The following ACSL1 variants were observed in gnomAD, a reference collection of about 807,000 sequenced individuals.
ACSL1 encodes the protein acyl-CoA synthetase long chain family member 1.
Under a neutral mutation model 98.4 loss-of-function variants are expected in ACSL1, and 41 were observed. That is an observed-to-expected ratio of 0.42 (90% CI 0.32 to 0.54). The LOEUF is 0.54. ACSL1 is among the 20% of genes least tolerant of loss of function. The probability of loss-of-function intolerance (pLI) is 0.13; values close to 1 mark genes in which losing one functional copy is unlikely to be tolerated. For synonymous variants in ACSL1, 316 were observed against 322.7 expected, an observed-to-expected ratio of 0.98 and a Z score of 0.22; for missense variants, 734 against 883.1, an observed-to-expected ratio of 0.83 and a Z score of 2.14.
intron 12 of ACSL1, among the ~76,000 whole-genome samples, chr4:184,767,705 G>C (rs1194985963): frequency 6.6e-6 from 1 of 152,198 alleles, no homozygotes; most frequent in Non-Finnish European, 1.5e-5. Flanking sequence ...AGAACGTTCT[G>C]AGAGATAACA....
chr4:184,769,111 T>A (rs901658791), intron 11 of ACSL1, among the ~76,000 whole-genome samples: 6 of 149,370 alleles, frequency 4.0e-5, no homozygotes, highest in African/African-American at 1.5e-4. Context: ...CCAGAAACTT[T>A]ACATTTAATT....
rs201057608 is a variant in ACSL1, at chr4:184,757,844, G to A, written c.1859C>T (p.Ser620Leu). Residue 620 changes from serine (S) to leucine (L), a missense_variant, in exon 19 of 21, where the codon TCG becomes TTG. Ser to Leu is a moderately radical substitution (Grantham distance 145). Coordinates refer to ENST00000281455, the MANE Select transcript of ACSL1 (RefSeq NM_001995.5). This position sits in a 1 kb window ranked among gnomAD's most constrained non-coding sequence, Gnocchi z 4.5. ...CTTATTTCTGCACAGTTCCTCAAACGACCCTTCAAATCCTCTCTTTTGGGC... is the reference window on the plus strand; with the variant it reads ...CTTATTTCTGCACAGTTCCTCAAACAACCCTTCAAATCCTCTCTTTTGGGC... ...SWAQKRGFEG[S>L]FEELCRNKDV... 103 of 1,614,006 alleles carry A rather than the reference G, an allele frequency of 6.4e-5. 1 individual carries two copies. Among genetic ancestry groups the A allele is most frequent in the South Asian group, 2.2e-4 (20 of 91,076 alleles).
At chr4:184,771,573 G>A (rs1764521288) in intron 10 of ACSL1, among the ~76,000 whole-genome samples, 1 of 152,158 alleles carries the variant, frequency 6.6e-6, no homozygotes, top group Non-Finnish European at 1.5e-5. Context: ...TGGACATCTG[G>A]TTTCCCTCAG....
At chr4:184,797,723 C>A (rs1769685611) in intron 2 of ACSL1, among the ~76,000 whole-genome samples, 1 of 152,208 alleles carries the variant, frequency 6.6e-6, no homozygotes, top group Non-Finnish European at 1.5e-5. Context: ...GCTCTAGTCT[C>A]AAGATGGCTC....
At chr4:184,808,792 C>G (rs1771743581) in intron 1 of ACSL1, among the ~76,000 whole-genome samples, 1 of 152,204 alleles carries the variant, frequency 6.6e-6, no homozygotes, top group Non-Finnish European at 1.5e-5. Flanking sequence ...GTCAGGCTCT[C>G]CCTAGAGAGA....
chr4:184,761,611 G>T lies in ACSL1; in HGVS notation c.1638+796C>A, dbSNP rs534164457. Among the ~76,000 whole-genome samples, 10 of 152,212 alleles carry T rather than the reference G, an allele frequency of 6.6e-5. 2 individuals carry two copies. Among genetic ancestry groups the T allele is most frequent in the South Asian group, 4.2e-4 (2 of 4,816 alleles). On this transcript the variant is annotated intron_variant, in intron 17 of 20. Coordinates refer to ENST00000281455, the MANE Select transcript of ACSL1 (RefSeq NM_001995.5). ...ACATTCAACTAAATTCAAGGAGTTC[G>T]CCTAATCTGTGAAACACCCTATTTT...
intron 1 of ACSL1, among the ~76,000 whole-genome samples, chr4:184,817,721 A>G (rs978491272): frequency 3.9e-5 from 6 of 152,188 alleles, no homozygotes; most frequent in African/African-American, 1.4e-4. Flanking sequence ...AGCATCACCC[A>G]GTGATGAAGG....
At chr4:184,769,035 C>T (rs1252699895) in intron 11 of ACSL1, among the ~76,000 whole-genome samples, 1 of 150,408 alleles carries the variant, frequency 6.6e-6, no homozygotes, top group African/African-American at 2.5e-5. Context: ...TGCCACTGCT[C>T]TCCAGCCTGG....
chr4:184,756,803 A>G lies in ACSL1; in HGVS notation c.*322T>C. The G allele has an allele frequency of 4.9e-6, 1 of 206,026 alleles. No individual in the cohort carries two copies. Among genetic ancestry groups the G allele is most frequent in the Non-Finnish European group, 9.9e-6 (1 of 101,066 alleles). The allele number at this position is 206,026 out of a possible 1,614,324, so 12.8% of individuals were successfully genotyped here. ...GTCCTAACCCCTTGATTAGAGAAAC[A>G]GGGAGACAGAAGATTTAAAACCCAC... is the stretch of plus-strand genomic sequence containing the variant. On this transcript the variant is annotated 3_prime_UTR_variant, in exon 21 of 21. Coordinates refer to ENST00000281455, the MANE Select transcript of ACSL1 (RefSeq NM_001995.5).
intron 1 of ACSL1, among the ~76,000 whole-genome samples, chr4:184,820,758 C>G (rs1007197852): frequency 6.6e-6 from 1 of 152,198 alleles, no homozygotes; most frequent in Non-Finnish European, 1.5e-5. Context: ...GCACGTACCA[C>G]CACGCCCAGT....
At chr4:184,812,702 C>G (rs1015864774) in intron 1 of ACSL1, among the ~76,000 whole-genome samples, 1 of 152,084 alleles carries the variant, frequency 6.6e-6, no homozygotes, top group Non-Finnish European at 1.5e-5. Context: ...TTTGGACAGA[C>G]GACTGATGAT....
intron 10 of ACSL1, among the ~76,000 whole-genome samples, chr4:184,770,890 A>C (rs1387858082): frequency 6.6e-6 from 1 of 152,166 alleles, no homozygotes; most frequent in Admixed American, 6.5e-5. Context: ...TTGGGAGGCC[A>C]AGGCAGGCAG....
Position 184,757,111 on chromosome 4 carries a change from C to G in ACSL1, c.*14G>C, listed in dbSNP as rs1399705435. 6.4e-7 allele frequency: 1 copy of G among 1,562,062 alleles called. No homozygotes were observed. The highest frequency in any genetic ancestry group is 1.4e-5 in the African/African-American group (1 of 73,948). On this transcript the variant is annotated 3_prime_UTR_variant, in exon 21 of 21. Transcript: ENST00000281455. This position sits in a 1 kb window ranked among gnomAD's most constrained non-coding sequence, Gnocchi z 4.5. ...GTGGAACTGTGCCATTTCCTCTGAG[C>G]TTTCTTCTTCACACTAAACCTTGAT...
chr4:184,825,355 C>T lies in ACSL1; in HGVS notation c.-33+561G>A, dbSNP rs1179378807. The stretch of plus-strand genomic sequence containing the variant: ...GCCACGGGCACTCCTCTGGAGTCAC[C>T]GAGAGAATGTCTGCCTCTGGCAGCG... On this transcript the variant is annotated intron_variant, in intron 1 of 20. Transcript: ENST00000281455. This position sits in a 1 kb window ranked among gnomAD's most constrained non-coding sequence, Gnocchi z 4.7. The T allele has an allele frequency of 1.7e-6, 1 of 575,578 alleles. No individual in the cohort carries two copies. Among genetic ancestry groups the T allele is most frequent in the East Asian group, 1.4e-4 (1 of 6,946 alleles). 35.7% of individuals were successfully genotyped at this position (575,578 alleles called of 1,614,324 possible).
chr4:184,773,951 T>G lies in ACSL1; in HGVS notation c.757-76A>C. On this transcript the variant is annotated intron_variant, in intron 7 of 20. Coordinates refer to ENST00000281455, the MANE Select transcript of ACSL1 (RefSeq NM_001995.5). This position sits in a 1 kb window ranked among gnomAD's most constrained non-coding sequence, Gnocchi z 4.3. ...AAGGATAAGGTCACATCGAGTCACT[T>G]AAAGCTGGCTTTACTGTGGGGTTCA... 1.3e-6 allele frequency: 2 copies of G among 1,548,274 alleles called. No homozygotes were observed. Among genetic ancestry groups the G allele is most frequent in the Non-Finnish European group, 1.8e-6 (2 of 1,126,682 alleles).
intron 1 of ACSL1, among the ~76,000 whole-genome samples, chr4:184,807,928 T>A (rs959348558): frequency 6.6e-6 from 1 of 152,150 alleles, no homozygotes; most frequent in African/African-American, 2.4e-5. Context: ...AGAACACACA[T>A]AACTATCACA....
intron 10 of ACSL1, among the ~76,000 whole-genome samples, 187 bp downstream of exon 10, chr4:184,772,894 G>A (rs547134548): frequency 1.3e-5 from 2 of 152,238 alleles, no homozygotes; most frequent in Non-Finnish European, 2.9e-5. Flanking sequence ...GGCAAGGGTT[G>A]GCGATTAGGT....
chr4:184,773,697 A>G lies in ACSL1; in HGVS notation c.807T>C (p.Asp269=), dbSNP rs756767304. 7 of 1,611,716 alleles carry G rather than the reference A, an allele frequency of 4.3e-6. No individual in the cohort carries two copies. The East Asian group carries it at 1.6e-4, about 36-fold the overall frequency. ...RRKPKPPAPE[D]LAVICFTSGT... Reference sequence around the variant, plus strand: ...CACTTGTGAAACAAATTACTGCAAGATCTTCAGGTGCTGGAGGCTAAAGAT... The same window carrying G: ...CACTTGTGAAACAAATTACTGCAAGGTCTTCAGGTGCTGGAGGCTAAAGAT... Residue 269 remains aspartate (D), a synonymous_variant, in exon 9 of 21, where the codon GAT becomes GAC. Transcript: ENST00000281455. The surrounding 1 kb of genome is among the most constrained non-coding windows in gnomAD (Gnocchi z 4.3).
In ACSL1 at chr4:184,814,339, C is replaced by T. The variant is rs143901307; in HGVS notation, c.-32-10793G>A. On this transcript the variant is annotated intron_variant, in intron 1 of 20. Transcript: ENST00000281455. Reference sequence around the variant, plus strand: ...GGAGAGTGGGAACAGAGGAGAGCTACGCCTCTTTCCATCATGAACATCATG... The same window carrying T: ...GGAGAGTGGGAACAGAGGAGAGCTATGCCTCTTTCCATCATGAACATCATG... Among the ~76,000 whole-genome samples, 778 of 148,192 alleles carry T rather than the reference C, an allele frequency of 5.2e-3. 26 individuals are homozygous for T. Among genetic ancestry groups the T allele is most frequent in the East Asian group, 0.035 (175 of 5,072 alleles).
Sources: gnomAD v4.1 joint callset for allele counts (sites outside exome capture counted in the v4.1 genomes callset) on GRCh38, gnomAD v4.1.1 for gene constraint, Gnocchi (gnomAD v3.1) non-coding constraint, MANE v1.5 for transcripts, NCBI Gene and HGNC (gene_info 2026-07-23, HGNC 2026-07-21) for gene names.